The following GCNT2 variants were observed in gnomAD, a reference collection of about 807,000 sequenced individuals.
GCNT2 encodes glucosaminyl (N-acetyl) transferase 2 (I blood group), also known as N-acetyllactosaminide beta-1,6-N-acetylglucosaminyl-transferase.
GCNT2 carries 34 observed loss-of-function variants against 34.2 expected under a neutral mutation model. The observed-to-expected ratio is 1.00, with a 90% CI of 0.76 to 1.32. The LOEUF is 1.32. Ranked by LOEUF, GCNT2 falls within the 40% of genes most tolerant of loss-of-function variation. GCNT2 has a pLI of 0.00. For synonymous variants in GCNT2, 212 were observed against 188.0 expected (o/e 1.13, Z -1.04); for missense variants, 584 against 489.4 (o/e 1.19, Z -1.82).
chr6:10,574,721 G>A (rs1763716865), intron 3 of GCNT2: 1 of 495,370 alleles, frequency 2.0e-6, no homozygotes, highest in Non-Finnish European at 3.8e-6. Flanking sequence ...CAGTCTAGAG[G>A]TCTTTTATTT....
intron 1 of GCNT2, among the ~76,000 whole-genome samples, chr6:10,522,648 T>G (rs1760975711): frequency 6.6e-6 from 1 of 152,220 alleles, no homozygotes; most frequent in Non-Finnish European, 1.5e-5. Context: ...TTCTTTCATG[T>G]AATTATTCTT....
intron 3 of GCNT2, among the ~76,000 whole-genome samples, chr6:10,567,855 G>A (rs978914152): frequency 1.3e-5 from 2 of 152,142 alleles, no homozygotes; most frequent in Non-Finnish European, 2.9e-5. Flanking sequence ...ACTCTCAGCC[G>A]AAACCTCAAG....
At chr6:10,533,331 A>T (rs1385386025) in intron 3 of GCNT2, among the ~76,000 whole-genome samples, 1 of 152,114 alleles carries the variant, frequency 6.6e-6, no homozygotes, top group Non-Finnish European at 1.5e-5. Flanking sequence ...AAAAAAAATT[A>T]GTCCAGAAAA....
chr6:10,549,222 A>AT (rs1160082180), intron 3 of GCNT2, among the ~76,000 whole-genome samples: 1 of 152,204 alleles, frequency 6.6e-6, no homozygotes, highest in East Asian at 1.9e-4. Context: ...CAAAATGCCA[A>AT]TAGTGCCCAC....
intron 3 of GCNT2, among the ~76,000 whole-genome samples, chr6:10,612,113 A>G (rs1765586290): frequency 6.6e-6 from 1 of 151,852 alleles, no homozygotes; most frequent in Non-Finnish European, 1.5e-5. Context: ...CAGCCTCCCA[A>G]GGAGCTGGGA....
At chr6:10,532,326 T>C (rs1041189461) in intron 3 of GCNT2, among the ~76,000 whole-genome samples, 2 of 152,222 alleles carry the variant, frequency 1.3e-5, no homozygotes, top group Non-Finnish European at 2.9e-5. Flanking sequence ...AGAAAACAAA[T>C]GCACCAATTC....
chr6:10,601,173 ATAAC>A (rs1765073593), intron 3 of GCNT2, among the ~76,000 whole-genome samples: 1 of 152,202 alleles, frequency 6.6e-6, no homozygotes, highest in Non-Finnish European at 1.5e-5. Context: ...TTGCCCATAA[ATAAC>A]AGAAGCAGCT....
chr6:10,579,029 C>T (rs1159661000), intron 3 of GCNT2, among the ~76,000 whole-genome samples: 1 of 152,182 alleles, frequency 6.6e-6, no homozygotes, highest in Non-Finnish European at 1.5e-5. Flanking sequence ...ATTCACCACA[C>T]TGCATAATTT....
chr6:10,582,469 T>C (rs1212137518), intron 3 of GCNT2, among the ~76,000 whole-genome samples: 2 of 112,522 alleles, frequency 1.8e-5, no homozygotes, highest in Middle Eastern at 4.7e-3. Flanking sequence ...ATAAATATAA[T>C]ATATACTATA....
At chr6:10,582,222 TTA>T (rs1329811506) in intron 3 of GCNT2, among the ~76,000 whole-genome samples, 12 of 106,232 alleles carry the variant, frequency 1.1e-4, no homozygotes, top group East Asian at 4.3e-4. Flanking sequence ...ATATATATAA[TTA>T]TATATATTTA....
intron 3 of GCNT2, among the ~76,000 whole-genome samples, chr6:10,539,431 C>T (rs1350834601): frequency 2.0e-5 from 3 of 151,860 alleles, no homozygotes; most frequent in African/African-American, 7.3e-5. Flanking sequence ...TCAGGCGATC[C>T]GCCCACCTCA....
chr6:10,529,277 T>C lies in GCNT2; in HGVS notation c.366T>C (p.Asn122=). The change falls in exon 3 of 5, where the codon AAT becomes AAC. Residue 122 remains asparagine, a synonymous_variant. Coordinates refer to ENST00000495262, the MANE Select transcript of GCNT2 (RefSeq NM_145649.5). ...TCAGGGCGATTTATATGCCCCAAAA[T>C]GTCTACTGTGTGCACCTGGATCAGA... ...RLFRAIYMPQ[N]VYCVHLDQKA... The C allele has an allele frequency of 6.2e-7, 1 of 1,614,134 alleles. No individual in the cohort carries two copies.
At chr6:10,559,961 A>C (rs1268610554) in intron 3 of GCNT2, among the ~76,000 whole-genome samples, 1 of 152,214 alleles carries the variant, frequency 6.6e-6, no homozygotes, top group East Asian at 1.9e-4. Flanking sequence ...TCTACCTTCA[A>C]AGGCAGTGGA....
intron 3 of GCNT2, among the ~76,000 whole-genome samples, chr6:10,587,949 C>T (rs1764431299): frequency 1.3e-5 from 2 of 152,136 alleles, no homozygotes; most frequent in Non-Finnish European, 2.9e-5. Flanking sequence ...ACCTGCCTGC[C>T]ATTCTTGAAA....
chr6:10,523,631 G>C lies in GCNT2; in HGVS notation c.-469+2214G>C, dbSNP rs115912896. ...GAGCACGTTAGGTGCCCTACCTCCA[G>C]AATCCTCCCAGCATGGCCTGGAGAT... On this transcript the variant is annotated intron_variant, in intron 1 of 4. Coordinates refer to ENST00000495262, the MANE Select transcript of GCNT2 (RefSeq NM_145649.5). Among the ~76,000 whole-genome samples the C allele has an allele frequency of 5.7e-3, 871 of 152,044 alleles. 11 individuals carry two copies. The highest frequency in any genetic ancestry group is 0.02 in the African/African-American group (835 of 41,480).
intron 3 of GCNT2, among the ~76,000 whole-genome samples, chr6:10,538,437 A>AAAAAATATATATATATATAT (rs1554127249): frequency 2.7e-5 from 2 of 73,342 alleles, no homozygotes; most frequent in African/African-American, 2.4e-4. Flanking sequence ...AAAAAAAAAA[A>AAAAAATATATATATATATAT]ATATATATAT....
chr6:10,594,866 A>G (rs1319694047), intron 3 of GCNT2, among the ~76,000 whole-genome samples: 2 of 151,152 alleles, frequency 1.3e-5, no homozygotes, highest in African/African-American at 2.4e-5. Context: ...TTTTTTTGAG[A>G]TAAGGTCCCT....
Position 10,555,762 on chromosome 6 carries a change from T to C in GCNT2, c.925+25926T>C, listed in dbSNP as rs975482058. 6 of 985,254 alleles carry C rather than the reference T, an allele frequency of 6.1e-6. No individual in the cohort carries two copies. The African/African-American group carries it at 1.0e-4, about 17-fold the overall frequency. The allele number at this position is 985,254 out of a possible 1,614,324, so 61.0% of individuals were successfully genotyped here. A position where few individuals can be genotyped will look rare whatever the true frequency, so the allele number is the denominator to read the frequency against. On this transcript the variant is annotated intron_variant, in intron 3 of 4. Coordinates refer to ENST00000495262, the MANE Select transcript of GCNT2 (RefSeq NM_145649.5). ...ACAGTGGGGTGGGGCCAAAAAAGCATTACAATGGAGCTGGGATGGATGAGG... is the reference window on the plus strand; with the variant it reads ...ACAGTGGGGTGGGGCCAAAAAAGCACTACAATGGAGCTGGGATGGATGAGG...
Position 10,601,939 on chromosome 6 carries a change from T to TTAAAAAAAAAAAA in GCNT2, c.926-19412_926-19411insTAAAAAAAAAAAA, listed in dbSNP as rs1561830857. On this transcript the variant is annotated intron_variant, in intron 3 of 4. Coordinates refer to ENST00000495262, the MANE Select transcript of GCNT2 (RefSeq NM_145649.5). ...CTGGGCAACAGAGCGAGACTCCATC[T>TTAAAAAAAAAAAA]CAAGAAAAAAAAAAAAAAAAACAAA... Among the ~76,000 whole-genome samples, 3 of 76,384 alleles carry TTAAAAAAAAAAAA rather than the reference T, an allele frequency of 3.9e-5. 1 individual carries two copies. The highest frequency in any genetic ancestry group is 1.5e-4 in the African/African-American group (2 of 13,122). 50.1% of individuals were successfully genotyped at this position (76,384 alleles called of 152,430 possible). A position where few individuals can be genotyped will look rare whatever the true frequency, so the allele number is the denominator to read the frequency against.
Sources: gnomAD v4.1 joint callset for allele counts (sites outside exome capture counted in the v4.1 genomes callset) on GRCh38, gnomAD v4.1.1 for gene constraint, MANE v1.5 for transcripts, NCBI Gene and HGNC (gene_info 2026-07-23, HGNC 2026-07-21) for gene names.